Variants in PCDH11X observed in about 807,000 individuals in gnomAD.
PCDH11X encodes protocadherin-11 X-linked.
A neutral mutation model predicts 53.3 loss-of-function variants in PCDH11X; 18 were observed. The observed-to-expected ratio is 0.34, with a 90% confidence interval of 0.23 to 0.50. The LOEUF (loss-of-function observed/expected upper bound fraction) is 0.50, where lower values mean the gene tolerates loss of function less well. PCDH11X is among the 20% of genes least tolerant of loss of function. The pLI, the probability that PCDH11X is intolerant of heterozygous loss-of-function variation, is 0.98. For synonymous variants in PCDH11X, 279 were observed against 393.3 expected (o/e 0.71, Z 3.44); for missense variants, 570 against 1,032.4 (o/e 0.55, Z 6.14).
At chrX:92,105,980 T>C (rs1351332810) in intron 6 of PCDH11X, among the ~76,000 whole-genome samples, 1 of 111,605 alleles carries the variant, frequency 9.0e-6, no homozygotes, top group East Asian at 2.8e-4. Flanking sequence ...TTTCTGTATG[T>C]AGATATAAAC....
intron 7 of PCDH11X, among the ~76,000 whole-genome samples, chrX:92,261,806 T>C (rs1359435300): frequency 8.9e-6 from 1 of 111,779 alleles, no homozygotes; most frequent in African/African-American, 3.2e-5. Context: ...AGGAGAGATA[T>C]AAATAGTGAT....
At chrX:92,051,783 C>G in intron 6 of PCDH11X, among the ~76,000 whole-genome samples, 1 of 111,022 alleles carries the variant, frequency 9.0e-6, no homozygotes, top group Non-Finnish European at 1.9e-5. Context: ...ATAAAAAGAA[C>G]ATTTTTGATA....
chrX:91,907,879 C>A (rs1045173156), intron 6 of PCDH11X, among the ~76,000 whole-genome samples: 3 of 111,610 alleles, frequency 2.7e-5, no homozygotes, highest in Non-Finnish European at 3.8e-5. Flanking sequence ...TGAGAACATG[C>A]AGTGTATGGT....
At chrX:91,886,476 GA>G (rs1283070617) in intron 6 of PCDH11X, among the ~76,000 whole-genome samples, 2 of 110,050 alleles carry the variant, frequency 1.8e-5, no homozygotes, top group Non-Finnish European at 3.8e-5. Flanking sequence ...AAAAAATACT[GA>G]AATATATTCT....
Position 92,549,056 on chromosome X carries a change from A to G in PCDH11X, c.3368-69208A>G, listed in dbSNP as rs1332670306. ...TGATCATTGTAGGACTAGATGCTAT[A>G]TAAAAAATGATTCACTATGTATTCT... On this transcript the variant is annotated intron_variant, in intron 10 of 10. Transcript: ENST00000682573. Among the ~76,000 whole-genome samples the G allele has an allele frequency of 2.2e-5, 2 of 92,740 alleles. 1 individual carries two copies. The highest frequency in any genetic ancestry group is 4.5e-5 in the Non-Finnish European group (2 of 44,054). 80.5% of individuals were successfully genotyped at this position (92,740 alleles called of 115,157 possible). A position where few individuals can be genotyped will look rare whatever the true frequency, so the allele number is the denominator to read the frequency against.
At chrX:91,916,617 T>C (rs1941572936) in intron 6 of PCDH11X, among the ~76,000 whole-genome samples, 1 of 109,778 alleles carries the variant, frequency 9.1e-6, no homozygotes, top group African/African-American at 3.3e-5. Flanking sequence ...CCACGTTAAA[T>C]TGGGAAGAAA....
At chrX:92,363,858 A>T (rs35487469) in intron 8 of PCDH11X, among the ~76,000 whole-genome samples, 26,884 of 109,145 alleles carry the variant, frequency 0.25, 2,938 homozygotes, top group Non-Finnish European at 0.32. Context: ...TGTTTTTTTT[A>T]AAATCATAAA....
intron 5 of PCDH11X, among the ~76,000 whole-genome samples, chrX:91,866,613 G>A (rs1217407789): frequency 9.0e-6 from 1 of 111,316 alleles, no homozygotes; most frequent in Non-Finnish European, 1.9e-5. Flanking sequence ...AGTTGGGGGA[G>A]GAGAAGTGGC....
intron 8 of PCDH11X, among the ~76,000 whole-genome samples, chrX:92,278,558 C>T (rs1276074604): frequency 9.3e-6 from 1 of 107,420 alleles, no homozygotes; most frequent in Non-Finnish European, 1.9e-5. Flanking sequence ...TGGGCAGGGG[C>T]GGGGGTCACA....
chrX:92,021,148 C>A (rs1232312750), intron 6 of PCDH11X, among the ~76,000 whole-genome samples: 3 of 111,022 alleles, frequency 2.7e-5, no homozygotes, highest in Non-Finnish European at 5.7e-5. Flanking sequence ...GATCCCAACG[C>A]CTTTCCAGCA....
At chrX:92,173,984 CAAAAA>C (rs145379428) in intron 6 of PCDH11X, among the ~76,000 whole-genome samples, 3 of 29,563 alleles carry the variant, frequency 1.0e-4, no homozygotes, top group South Asian at 3.3e-3. Context: ...GACCCAGTCT[CAAAAA>C]AAAAAAAAAA....
intron 6 of PCDH11X, among the ~76,000 whole-genome samples, chrX:92,103,805 T>A (rs1385228560): frequency 3.6e-5 from 4 of 111,951 alleles, no homozygotes; most frequent in African/African-American, 1.3e-4. Flanking sequence ...CTCACAGTGG[T>A]GGCAAGGAAT....
intron 6 of PCDH11X, among the ~76,000 whole-genome samples, chrX:92,151,663 TAAAC>T (rs998976433): frequency 6.3e-5 from 7 of 111,536 alleles, no homozygotes; most frequent in Non-Finnish European, 9.4e-5. Flanking sequence ...TTTTCAGAGA[TAAAC>T]AAAAAAACTT....
At chrX:92,008,858 C>T (rs1304445530) in intron 6 of PCDH11X, among the ~76,000 whole-genome samples, 3 of 111,266 alleles carry the variant, frequency 2.7e-5, no homozygotes, top group Admixed American at 9.6e-5. Context: ...TAAAGATACA[C>T]TTACTGGTGA....
chrX:91,906,386 A>G (rs915149233), intron 6 of PCDH11X, among the ~76,000 whole-genome samples: 5 of 109,636 alleles, frequency 4.6e-5, no homozygotes, highest in Admixed American at 3.9e-4. Context: ...AGCTGAATCA[A>G]CAGTGGCCCA....
chrX:92,094,977 G>C (rs770829473), intron 6 of PCDH11X, among the ~76,000 whole-genome samples: 1 of 110,678 alleles, frequency 9.0e-6, no homozygotes, highest in African/African-American at 3.3e-5. Context: ...AAGAACAAAG[G>C]CCCTTCATTG....
chrX:92,312,373 G>A (rs890521590), intron 8 of PCDH11X, among the ~76,000 whole-genome samples: 1 of 110,245 alleles, frequency 9.1e-6, no homozygotes. Context: ...AAATTTATTA[G>A]CATATGTGTT....
At chrX:92,426,449 C>A (rs958544260) in intron 9 of PCDH11X, among the ~76,000 whole-genome samples, 24 of 110,368 alleles carry the variant, frequency 2.2e-4, no homozygotes, top group African/African-American at 7.2e-4. Context: ...ATTGTAATAA[C>A]AATTTGTCCT....
intron 7 of PCDH11X, among the ~76,000 whole-genome samples, chrX:92,250,649 T>C (rs2148397352): frequency 9.4e-6 from 1 of 106,203 alleles, no homozygotes; most frequent in African/African-American, 3.4e-5. Context: ...AATATATATA[T>C]GAATAATATT....
Sources: gnomAD v4.1 joint callset for allele counts (sites outside exome capture counted in the v4.1 genomes callset) on GRCh38, gnomAD v4.1.1 for gene constraint, MANE v1.5 for transcripts, NCBI Gene and HGNC (gene_info 2026-07-23, HGNC 2026-07-21) for gene names.